The following NAV2 variants were observed in gnomAD, a reference collection of about 807,000 sequenced individuals.
NAV2 encodes the protein helicase, APC down-regulated 1.
NAV2 carries 54 observed loss-of-function variants against 223.2 expected under a neutral mutation model. The ratio of observed to expected loss-of-function variants is 0.24; its 90% CI spans 0.19 to 0.30. The LOEUF is 0.30. Among genes scored for constraint, NAV2 ranks in the 10% least tolerant of loss-of-function variants. The pLI, the probability that NAV2 is intolerant of heterozygous loss-of-function variation, is 1.00. For synonymous variants in NAV2, 1,279 were observed against 1,239.3 expected (o/e 1.03, Z -0.67); for missense variants, 2,806 against 3,147.5 (o/e 0.89, Z 2.60).
At position 19,713,851 on chromosome 11, in the gene NAV2, T is replaced by C. The variant is rs999590428; in HGVS notation, c.156T>C (p.Tyr52=). ...GSKVEVSKTT[Y]PSQIPLKSQV... ...AGGTGGAGGTGAGCAAGACCACCTA[T>C]CCTAGCCAGATCCCCCTGAAATCGC... The change falls in exon 1 of 38, where the codon TAT becomes TAC. Residue 52 remains tyrosine, a synonymous_variant. Transcript: ENST00000349880. The surrounding 1 kb of genome is among the most constrained non-coding windows in gnomAD (Gnocchi z 7.2). 1 of 1,613,476 alleles carries C rather than the reference T, an allele frequency of 6.2e-7. No homozygotes were observed. The highest frequency in any genetic ancestry group is 8.5e-7 in the Non-Finnish European group (1 of 1,179,924).
intron 8 of NAV2, among the ~76,000 whole-genome samples, chr11:19,942,540 A>T (rs2046487150): frequency 6.6e-6 from 1 of 152,182 alleles, no homozygotes; most frequent in Admixed American, 6.5e-5. Context: ...CCACAATTTA[A>T]ATATTTATCT....
chr11:19,911,578 G>C (rs1331541358), intron 6 of NAV2, among the ~76,000 whole-genome samples: 1 of 152,192 alleles, frequency 6.6e-6, no homozygotes, highest in African/African-American at 2.4e-5. Flanking sequence ...TGAGAGGACG[G>C]TGGCCAAAAT....
At position 19,997,525 on chromosome 11, in the gene NAV2, T is replaced by C. The variant is rs2052024647; in HGVS notation, c.2768+13278T>C. On this transcript the variant is annotated intron_variant, in intron 11 of 37. Coordinates refer to ENST00000349880, the MANE Select transcript of NAV2 (RefSeq NM_145117.5). ...ATTTTCATTCACTGAGCACCTGCTA[T>C]GTTCTAGGTGTTCTCCTAGGTACTC... Among the ~76,000 whole-genome samples, 3 of 152,188 alleles carry C rather than the reference T, an allele frequency of 2.0e-5. No homozygotes were observed. In the South Asian group the frequency reaches 6.2e-4, roughly 32 times the overall value.
At chr11:19,369,784 C>T (rs749840333) in intron 1 of NAV2, among the ~76,000 whole-genome samples, 43 of 152,120 alleles carry the variant, frequency 2.8e-4, no homozygotes, top group Non-Finnish European at 4.7e-4. Context: ...AATATCGAGC[C>T]GGTGCATCAG....
intron 1 of NAV2, among the ~76,000 whole-genome samples, chr11:19,531,862 T>G (rs2044036351): frequency 6.6e-6 from 1 of 152,214 alleles, no homozygotes; most frequent in Non-Finnish European, 1.5e-5. Context: ...TAGGATACAC[T>G]GCAACTTCAG....
intron 4 of NAV2, among the ~76,000 whole-genome samples, chr11:19,879,665 T>C (rs2063077049): frequency 6.6e-6 from 1 of 152,176 alleles, no homozygotes; most frequent in Admixed American, 6.5e-5. Flanking sequence ...TGCACTTGCC[T>C]CCTGTATCCA....
chr11:19,776,127 G>A (rs113544454), intron 1 of NAV2, among the ~76,000 whole-genome samples: 1,538 of 152,306 alleles, frequency 0.01, 14 homozygotes, highest in Middle Eastern at 0.027. Flanking sequence ...GCCAGTGGGG[G>A]AGAGCCAGGA....
chr11:19,785,317 T>C (rs1437834135), intron 1 of NAV2, among the ~76,000 whole-genome samples: 2 of 152,150 alleles, frequency 1.3e-5, no homozygotes, highest in Non-Finnish European at 2.9e-5. Context: ...TCCTTAACCA[T>C]CCTGCTGACT....
intron 11 of NAV2, among the ~76,000 whole-genome samples, chr11:20,032,010 G>C (rs2055806326): frequency 6.6e-6 from 1 of 152,140 alleles, no homozygotes; most frequent in Non-Finnish European, 1.5e-5. Flanking sequence ...AATCTTGGTG[G>C]CTCCTGATCA....
At chr11:19,395,290 A>T (rs1849404510) in intron 1 of NAV2, among the ~76,000 whole-genome samples, 1 of 152,380 alleles carries the variant, frequency 6.6e-6, no homozygotes, top group Non-Finnish European at 1.5e-5. Flanking sequence ...CATTGGGCCC[A>T]CACATCTGCT....
intron 1 of NAV2, among the ~76,000 whole-genome samples, chr11:19,768,311 T>C (rs2055403586): frequency 6.6e-6 from 1 of 152,114 alleles, no homozygotes; most frequent in Non-Finnish European, 1.5e-5. Flanking sequence ...TGGGGGCTTC[T>C]CATCCCCCTT....
chr11:20,021,611 A>G (rs1284512543), intron 11 of NAV2, among the ~76,000 whole-genome samples: 1 of 152,214 alleles, frequency 6.6e-6, no homozygotes, highest in Non-Finnish European at 1.5e-5. Context: ...CTTGTCAGCC[A>G]GAACTTGGGT....
At chr11:19,347,071 C>T (rs1327939885), upstream of NAV2, among the ~76,000 whole-genome samples, 1 of 152,210 alleles carries the variant, frequency 6.6e-6, no homozygotes, top group Non-Finnish European at 1.5e-5. Flanking sequence ...TTTCCCCAGT[C>T]CCGGCAGCCA....
At chr11:19,617,628 T>C (rs2046838750) in intron 1 of NAV2, among the ~76,000 whole-genome samples, 1 of 152,154 alleles carries the variant, frequency 6.6e-6, no homozygotes, top group African/African-American at 2.4e-5. Flanking sequence ...AAGAAGTGCA[T>C]GGTAAAGTGT....
At chr11:20,054,644 G>T (rs1227156754) in intron 18 of NAV2, among the ~76,000 whole-genome samples, 1 of 152,186 alleles carries the variant, frequency 6.6e-6, no homozygotes, top group Admixed American at 6.5e-5. Flanking sequence ...GACCTCTGAA[G>T]AAATAGATTT....
intron 17 of NAV2, among the ~76,000 whole-genome samples, chr11:20,051,761 C>T (rs2058025858): frequency 6.6e-6 from 1 of 152,116 alleles, no homozygotes; most frequent in South Asian, 2.1e-4. Flanking sequence ...TATTTTCCCC[C>T]AATTTGAAAA....
At chr11:19,499,050 G>T (rs1042341088) in intron 1 of NAV2, among the ~76,000 whole-genome samples, 7 of 152,200 alleles carry the variant, frequency 4.6e-5, no homozygotes, top group Non-Finnish European at 7.3e-5. Context: ...TTTCATGCAA[G>T]CCATACAGCC....
chr11:20,041,994 T>C (rs1414943936), intron 12 of NAV2, among the ~76,000 whole-genome samples: 2 of 152,222 alleles, frequency 1.3e-5, no homozygotes, highest in South Asian at 2.1e-4. Flanking sequence ...TTGTGTTTAT[T>C]TATTCTATCT....
intron 1 of NAV2, among the ~76,000 whole-genome samples, chr11:19,424,640 C>G (rs775536600): frequency 3.9e-5 from 6 of 152,146 alleles, no homozygotes; most frequent in Non-Finnish European, 8.8e-5. Context: ...CCTCCACCTC[C>G]TGGGTTCAAG....
Sources: allele counts gnomAD v4.1 joint callset (sites outside exome capture counted in the v4.1 genomes callset), GRCh38; gene constraint gnomAD v4.1.1; non-coding constraint Gnocchi (gnomAD v3.1); transcripts MANE v1.5; gene names NCBI Gene and HGNC (gene_info 2026-07-23, HGNC 2026-07-21).